DLG2: variants seen among roughly 807,000 people sequenced by gnomAD.
DLG2 encodes the protein discs large MAGUK scaffold protein 2.
DLG2 carries 45 observed loss-of-function variants against 132.5 expected under a neutral mutation model. The ratio of observed to expected loss-of-function variants is 0.34; its 90% CI spans 0.27 to 0.44. The LOEUF is 0.44. Among genes scored for constraint, DLG2 ranks in the 20% least tolerant of loss-of-function variants. The pLI, the probability that DLG2 is intolerant of heterozygous loss-of-function variation, is 1.00. For synonymous variants in DLG2, 424 were observed against 419.6 expected (o/e 1.01, Z -0.13); for missense variants, 1,045 against 1,196.9 (o/e 0.87, Z 1.87).
At chr11:83,913,353 G>T (rs992663473) in intron 15 of DLG2, among the ~76,000 whole-genome samples, 3 of 151,930 alleles carry the variant, frequency 2.0e-5, no homozygotes, top group African/African-American at 7.3e-5. Context: ...AATGAATAAT[G>T]ATTTAAATAT....
At chr11:85,052,852 T>C (rs1343081991) in intron 6 of DLG2, among the ~76,000 whole-genome samples, 3 of 152,182 alleles carry the variant, frequency 2.0e-5, no homozygotes, top group Non-Finnish European at 4.4e-5. Context: ...AAATGGAAAT[T>C]CTTCAGACCC....
chr11:84,726,257 C>A (rs552184724), intron 6 of DLG2, among the ~76,000 whole-genome samples: 1 of 152,168 alleles, frequency 6.6e-6, no homozygotes, highest in East Asian at 1.9e-4. Flanking sequence ...TAATGCTATC[C>A]CTCCCATACC....
At chr11:85,369,487 A>G (rs1426308848) in intron 3 of DLG2, among the ~76,000 whole-genome samples, 1 of 151,780 alleles carries the variant, frequency 6.6e-6, no homozygotes, top group Non-Finnish European at 1.5e-5. Flanking sequence ...TCCTTTTAGA[A>G]GACGTTTTTA....
intron 7 of DLG2, among the ~76,000 whole-genome samples, chr11:84,270,559 G>A (rs941527049): frequency 2.0e-5 from 3 of 152,160 alleles, no homozygotes; most frequent in Non-Finnish European, 4.4e-5. Context: ...ATTATATCAT[G>A]ACTTGAGATT....
At chr11:85,620,383 G>T (rs190600747) in intron 2 of DLG2, among the ~76,000 whole-genome samples, 215 of 152,176 alleles carry the variant, frequency 1.4e-3, no homozygotes, top group Non-Finnish European at 2.7e-3. Flanking sequence ...CTCTACCATG[G>T]CCTCTCAGTG....
intron 8 of DLG2, among the ~76,000 whole-genome samples, chr11:84,227,478 T>C (rs560696601): frequency 2.0e-4 from 31 of 152,324 alleles, no homozygotes; most frequent in African/African-American, 7.0e-4. Flanking sequence ...GAGCCATTTA[T>C]TTTCTTTAAT....
chr11:85,354,183 C>T (rs2083512799), intron 3 of DLG2, among the ~76,000 whole-genome samples: 1 of 152,022 alleles, frequency 6.6e-6, no homozygotes, highest in African/African-American at 2.4e-5. Context: ...TTCCAACTTT[C>T]AATCTTTTAG....
At chr11:84,635,460 C>A (rs2099639071) in intron 6 of DLG2, among the ~76,000 whole-genome samples, 1 of 152,112 alleles carries the variant, frequency 6.6e-6, no homozygotes, top group African/African-American at 2.4e-5. Flanking sequence ...GCATTTAGAA[C>A]TTTGAGCATC....
At chr11:84,832,874 A>C (rs1479163965) in intron 6 of DLG2, among the ~76,000 whole-genome samples, 2 of 151,566 alleles carry the variant, frequency 1.3e-5, no homozygotes, top group Non-Finnish European at 3.0e-5. Flanking sequence ...TAAACTGCTA[A>C]TAGCAATTTT....
At chr11:84,049,571 T>C (rs1006421204) in intron 11 of DLG2, among the ~76,000 whole-genome samples, 3 of 151,784 alleles carry the variant, frequency 2.0e-5, no homozygotes, top group Non-Finnish European at 4.4e-5. Context: ...TCCCATTTAC[T>C]ACCCAGAACT....
At chr11:83,694,444 A>C (rs1171217484) in intron 18 of DLG2, among the ~76,000 whole-genome samples, 1 of 152,188 alleles carries the variant, frequency 6.6e-6, no homozygotes, top group Admixed American at 6.5e-5. Context: ...ATGGACTCAG[A>C]CCTCATAGAT....
chr11:85,279,546 C>G (rs184918967), intron 4 of DLG2, among the ~76,000 whole-genome samples: 1 of 152,060 alleles, frequency 6.6e-6, no homozygotes, highest in Non-Finnish European at 1.5e-5. Flanking sequence ...CTTTCCTTGA[C>G]TGTGCCTTTT....
rs1333504638 is a variant in DLG2 at position 84,659,341 on chromosome 11, T to C, written c.358-124610A>G. 3.3e-5 allele frequency among the ~76,000 whole-genome samples: 5 copies of C among 152,234 alleles called. No homozygotes were observed. The East Asian group carries it at 9.7e-4, about 30-fold the overall frequency. On this transcript the variant is annotated intron_variant, in intron 6 of 27. Transcript: ENST00000376104. ...ATTCTGCCCCTCAATTCCCACTAGGTCTGCTATAATGCCTTTTCAAGACTC... is the reference window on the plus strand; with the variant it reads ...ATTCTGCCCCTCAATTCCCACTAGGCCTGCTATAATGCCTTTTCAAGACTC...
intron 17 of DLG2, among the ~76,000 whole-genome samples, chr11:83,802,120 T>C (rs573164206): frequency 2.6e-5 from 4 of 151,898 alleles, no homozygotes; most frequent in Non-Finnish European, 2.9e-5. Context: ...TCAGGCTAGA[T>C]AGCAGTGACA....
At chr11:85,397,325 T>C (rs1194726593) in intron 3 of DLG2, among the ~76,000 whole-genome samples, 2 of 152,112 alleles carry the variant, frequency 1.3e-5, no homozygotes, top group African/African-American at 2.4e-5. Context: ...TGCAAAAACA[T>C]GCCAAATGGT....
intron 19 of DLG2, among the ~76,000 whole-genome samples, chr11:83,570,693 C>G (rs2096782475): frequency 6.6e-6 from 1 of 151,952 alleles, no homozygotes; most frequent in South Asian, 2.1e-4. Flanking sequence ...TGAAGACAAC[C>G]AGAGGAAAAT....
At chr11:84,170,505 A>C (rs1273240745) in intron 8 of DLG2, among the ~76,000 whole-genome samples, 1 of 152,212 alleles carries the variant, frequency 6.6e-6, no homozygotes, top group African/African-American at 2.4e-5. Flanking sequence ...AGACTGCAGC[A>C]GCTGCAGAGG....
At chr11:85,429,562 C>G (rs189585500) in intron 3 of DLG2, among the ~76,000 whole-genome samples, 1 of 152,192 alleles carries the variant, frequency 6.6e-6, no homozygotes, top group East Asian at 1.9e-4. Context: ...CAAACAGACA[C>G]TTCTCAAAAG....
At chr11:83,861,657 A>G (rs929447469) in intron 16 of DLG2, among the ~76,000 whole-genome samples, 3 of 152,128 alleles carry the variant, frequency 2.0e-5, no homozygotes, top group Non-Finnish European at 2.9e-5. Flanking sequence ...TATTCGTGGA[A>G]TCTAAAATTC....
Sources: allele counts gnomAD v4.1 joint callset (sites outside exome capture counted in the v4.1 genomes callset), GRCh38; gene constraint gnomAD v4.1.1; transcripts MANE v1.5; gene names NCBI Gene and HGNC (gene_info 2026-07-23, HGNC 2026-07-21).